The following MTUS1 variants were observed in gnomAD, a reference collection of about 807,000 sequenced individuals.
MTUS1 encodes microtubule-associated tumor suppressor 1.
MTUS1 carries 109 observed loss-of-function variants against 120.8 expected under a neutral mutation model. That is an observed-to-expected ratio of 0.90 (90% confidence interval 0.77 to 1.06). The LOEUF is 1.06. Ranked by LOEUF, MTUS1 falls within the 50% of genes least tolerant of loss-of-function variation. The probability of loss-of-function intolerance (pLI) is 0.00; values close to 1 mark genes in which losing one functional copy is unlikely to be tolerated. For synonymous variants in MTUS1, 737 were observed against 550.5 expected (o/e 1.34, Z -4.74); for missense variants, 2,210 against 1,486.3 (o/e 1.49, Z -8.01).
chr8:17,737,582 G>C (rs992741767), intron 3 of MTUS1, among the ~76,000 whole-genome samples: 1 of 152,170 alleles, frequency 6.6e-6, no homozygotes, highest in Non-Finnish European at 1.5e-5. Context: ...TCAACCACTT[G>C]GGTTCAGTGA....
chr8:17,678,246 T>C (rs1186815420), intron 7 of MTUS1, among the ~76,000 whole-genome samples: 1 of 152,206 alleles, frequency 6.6e-6, no homozygotes, highest in African/African-American at 2.4e-5. Context: ...ACTGTTTCTT[T>C]TTACTCAGCT....
intron 8 of MTUS1, among the ~76,000 whole-genome samples, chr8:17,673,108 A>G (rs576447533): frequency 6.6e-6 from 1 of 152,294 alleles, no homozygotes; most frequent in Admixed American, 6.5e-5. Context: ...CTGATCTTCT[A>G]ACTCTGTTAA....
intron 8 of MTUS1, among the ~76,000 whole-genome samples, chr8:17,661,997 A>T (rs777387552): frequency 6.6e-6 from 1 of 152,172 alleles, no homozygotes; most frequent in Non-Finnish European, 1.5e-5. Flanking sequence ...GCACATGTAA[A>T]CGCTGTATTA....
At chr8:17,711,867 G>A (rs1299066996) in intron 6 of MTUS1, among the ~76,000 whole-genome samples, 1 of 152,020 alleles carries the variant, frequency 6.6e-6, no homozygotes, top group Non-Finnish European at 1.5e-5. Context: ...CAATATTATT[G>A]TGTCTCAGGG....
At chr8:17,770,890 G>A (rs1336878455) in intron 1 of MTUS1, among the ~76,000 whole-genome samples, 3 of 152,140 alleles carry the variant, frequency 2.0e-5, no homozygotes, top group Admixed American at 6.5e-5. Context: ...AAAACAGAAG[G>A]CACTTTTGCC....
Position 17,754,367 on chromosome 8 carries a change from T to C in MTUS1, c.1441A>G (p.Lys481Glu). Reference protein sequence around the residue: ...PVNLCKPSLGKSTIKTNTPIG... With the variant: ...PVNLCKPSLGESTIKTNTPIG... ...GGGGTATTCGTTTTGATTGTTGATTTTCCTAAACTGGGTTTACACAGGTTC... is the reference window on the plus strand; with the variant it reads ...GGGGTATTCGTTTTGATTGTTGATTCTCCTAAACTGGGTTTACACAGGTTC... Residue 481 changes from lysine (K) to glutamate (E), a missense_variant, in exon 2 of 15, where the codon AAA (lysine) becomes GAA (glutamate). Physicochemically the swap from Lys to Glu is moderately conservative, Grantham distance 56. Transcript: ENST00000693296. The C allele has an allele frequency of 6.2e-7, 1 of 1,614,182 alleles. No individual in the cohort carries two copies. The highest frequency in any genetic ancestry group is 8.5e-7 in the Non-Finnish European group (1 of 1,180,038).
At chr8:17,799,067 G>GT (rs1438086620) in intron 1 of MTUS1, among the ~76,000 whole-genome samples, 1 of 151,880 alleles carries the variant, frequency 6.6e-6, no homozygotes, top group Admixed American at 6.6e-5. Context: ...CAAGAATACG[G>GT]TAACACCAGT....
chr8:17,709,864 G>A (rs564263973), intron 6 of MTUS1, among the ~76,000 whole-genome samples: 14 of 151,820 alleles, frequency 9.2e-5, no homozygotes, highest in East Asian at 1.9e-4. Context: ...AAAATTAGCC[G>A]GGCATGGTGG....
At chr8:17,738,680 C>G (rs1331201282) in intron 3 of MTUS1, among the ~76,000 whole-genome samples, 1 of 152,114 alleles carries the variant, frequency 6.6e-6, no homozygotes, top group Non-Finnish European at 1.5e-5. Flanking sequence ...AGGTATTAAG[C>G]CCGGCATGCA....
At chr8:17,791,015 C>T (rs1032857170) in intron 1 of MTUS1, among the ~76,000 whole-genome samples, 5 of 152,128 alleles carry the variant, frequency 3.3e-5, no homozygotes, top group Admixed American at 6.6e-5. Flanking sequence ...CCCATTTCAG[C>T]ACCAATGTAT....
intron 8 of MTUS1, among the ~76,000 whole-genome samples, chr8:17,660,535 T>C (rs1197791609): frequency 6.6e-6 from 1 of 152,154 alleles, no homozygotes; most frequent in Non-Finnish European, 1.5e-5. Context: ...TTTCAATTCT[T>C]TGGTGTATAT....
intron 2 of MTUS1, among the ~76,000 whole-genome samples, chr8:17,747,408 C>G (rs920124579): frequency 1.3e-5 from 2 of 152,178 alleles, no homozygotes; most frequent in Admixed American, 1.3e-4. Flanking sequence ...GCACAGCAGT[C>G]TACTCACACT....
intron 6 of MTUS1, among the ~76,000 whole-genome samples, chr8:17,700,387 T>C (rs139698709): frequency 4.4e-4 from 63 of 144,738 alleles, no homozygotes; most frequent in African/African-American, 1.5e-3. Flanking sequence ...GGAGAACCGC[T>C]TGAATCTGGG....
At chr8:17,693,804 G>A (rs1349752005) in intron 6 of MTUS1, among the ~76,000 whole-genome samples, 1 of 152,094 alleles carries the variant, frequency 6.6e-6, no homozygotes, top group African/African-American at 2.4e-5. Flanking sequence ...GTGAAGGCAG[G>A]GTCCATGTGG....
chr8:17,681,042 T>C (rs1275899486), intron 7 of MTUS1, among the ~76,000 whole-genome samples: 1 of 152,170 alleles, frequency 6.6e-6, no homozygotes. Context: ...AAAGTGATTC[T>C]TCTACCTTAG....
chr8:17,730,839 G>A (rs143864087), intron 3 of MTUS1, among the ~76,000 whole-genome samples: 1,715 of 152,296 alleles, frequency 0.011, 11 homozygotes, highest in South Asian at 0.028. Flanking sequence ...CTGGGGGTTA[G>A]TAAAATGGAT....
chr8:17,727,857 T>C (rs892536554), intron 3 of MTUS1, among the ~76,000 whole-genome samples: 103 of 152,326 alleles, frequency 6.8e-4, no homozygotes, highest in African/African-American at 2.4e-3. Flanking sequence ...AACCATCTTT[T>C]ATGTAGGGAA....
intron 1 of MTUS1, among the ~76,000 whole-genome samples, chr8:17,772,623 C>G (rs1472795333): frequency 6.6e-6 from 1 of 152,126 alleles, no homozygotes; most frequent in East Asian, 1.9e-4. Flanking sequence ...TGTTGCAAAG[C>G]AGATTAAGTT....
chr8:17,778,422 G>T (rs1471844839), intron 1 of MTUS1, among the ~76,000 whole-genome samples: 3 of 152,216 alleles, frequency 2.0e-5, no homozygotes, highest in Non-Finnish European at 4.4e-5. Flanking sequence ...GCTGAGTGTG[G>T]TTGGTGGTTG....
Sources: allele counts gnomAD v4.1 joint callset (sites outside exome capture counted in the v4.1 genomes callset), GRCh38; gene constraint gnomAD v4.1.1; transcripts MANE v1.5; gene names NCBI Gene and HGNC (gene_info 2026-07-23, HGNC 2026-07-21).